TUBGCP5: variants seen among roughly 807,000 people sequenced by gnomAD.
The protein encoded by TUBGCP5 is gamma-tubulin complex component 5.
In TUBGCP5, 98 loss-of-function variants were observed where a neutral mutation model predicts 134.7. The ratio of observed to expected loss-of-function variants is 0.73; its 90% CI spans 0.62 to 0.86. The LOEUF (loss-of-function observed/expected upper bound fraction) is 0.86. TUBGCP5 is among the 40% of genes least tolerant of loss of function. The pLI is 0.00. For synonymous variants in TUBGCP5, 456 were observed against 431.4 expected, an observed-to-expected ratio of 1.06 and a Z score of -0.71; for missense variants, 1,150 against 1,244.8, an observed-to-expected ratio of 0.92 and a Z score of 1.15.
chr15:22,990,691 T>C (rs1029626231), intron 23 of TUBGCP5, among the ~76,000 whole-genome samples: 10 of 152,212 alleles, frequency 6.6e-5, no homozygotes, highest in African/African-American at 2.2e-4. Context: ...TGCTTTGTTA[T>C]AGCAGCCTTA....
At chr15:23,005,956 T>TTC in intron 18 of TUBGCP5, 96 bp downstream of exon 18, 11 of 1,330,382 alleles carry the variant, frequency 8.3e-6, no homozygotes, top group East Asian at 2.5e-5. Context: ...TTTTTTTTTT[T>TTC]CCAGATCCCC....
At chr15:22,998,374 T>TG (rs139246723), downstream of TUBGCP5, among the ~76,000 whole-genome samples, 6,983 of 152,280 alleles carry the variant, frequency 0.046, 425 homozygotes, top group African/African-American at 0.14. Context: ...TAAGTGAAGT[T>TG]GGCCTTTTAC....
chr15:22,995,388 C>T (rs372128547), downstream of TUBGCP5, among the ~76,000 whole-genome samples: 47 of 151,912 alleles, frequency 3.1e-4, no homozygotes, highest in East Asian at 5.8e-3. Context: ...TACTGGTGTC[C>T]GGCTCCACCT....
chr15:23,017,805 G>A lies in TUBGCP5; in HGVS notation c.1724C>T (p.Ala575Val), dbSNP rs753683572. The A allele has an allele frequency of 1.2e-5, 20 of 1,613,710 alleles. No homozygotes were observed. The highest frequency in any genetic ancestry group is 4.4e-5 in the South Asian group (4 of 91,056). ...SMQLLKNLQC[A>V]ESTTCQAGAR... ...TCCTGCCTGGCAGGTGGTGCTCTCC[G>A]CACACTGCAGGTTCTTCAGCAGCTG... The change falls in exon 13 of 23, where the codon GCG becomes GTG. Residue 575 changes from alanine (A) to valine (V), a missense_variant. Physicochemically the swap from Ala to Val is moderately conservative, Grantham distance 64. Coordinates refer to ENST00000615383, the MANE Select transcript of TUBGCP5 (RefSeq NM_052903.6).
intron 4 of TUBGCP5, among the ~76,000 whole-genome samples, chr15:23,032,387 C>T (rs777099498): frequency 6.6e-6 from 1 of 152,098 alleles, no homozygotes; most frequent in African/African-American, 2.4e-5. Context: ...CTGCTGTATA[C>T]TTTAAATAAT....
At position 23,013,894 on chromosome 15, in the gene TUBGCP5, T is replaced by C. The variant is rs2065177497; in HGVS notation, c.1757-2563A>G. On this transcript the variant is annotated intron_variant, in intron 13 of 22. Coordinates refer to ENST00000615383, the MANE Select transcript of TUBGCP5 (RefSeq NM_052903.6). This position sits in a 1 kb window ranked among gnomAD's most constrained non-coding sequence, Gnocchi z 4.5. The stretch of plus-strand genomic sequence containing the variant: ...TGCACCTCTCCTGCACCCCAGCCAC[T>C]GGGGCTCCATCCTCATTCCACCAAG... 6.6e-6 allele frequency among the ~76,000 whole-genome samples: 1 copy of C among 152,108 alleles called. No homozygotes were observed. Among genetic ancestry groups the C allele is most frequent in the Non-Finnish European group, 1.5e-5 (1 of 68,002 alleles).
rs1322967759 is a variant in TUBGCP5 at position 23,019,258 on chromosome 15, C to T, written c.1448G>A (p.Gly483Glu). The T allele has an allele frequency of 6.2e-7, 1 of 1,613,988 alleles. No homozygotes were observed. Among genetic ancestry groups the T allele is most frequent in the Non-Finnish European group, 8.5e-7 (1 of 1,179,978 alleles). ...CTCCCTGGCGCCATCCCACAGGTGC[C>T]CGTGCACGATCCACTCGTCCACCGT... is the stretch of plus-strand genomic sequence containing the variant. The part of the protein sequence containing the change: ...LQTVDEWIVH[G>E]HLWDGAREFI... The change falls in exon 12 of 23, where the codon GGG becomes GAG. Residue 483 changes from glycine to glutamate, a missense_variant. By Grantham distance (98) the Gly-to-Glu change is moderately conservative. Around this residue, in one of 2 missense-constraint regions of TUBGCP5, gnomAD observed 697 missense variants for 850.1 expected, o/e 0.82. Coordinates refer to ENST00000615383, the MANE Select transcript of TUBGCP5 (RefSeq NM_052903.6).
intron 10 of TUBGCP5, 191 bp downstream of exon 10, chr15:23,023,756 C>A: frequency 1.9e-6 from 1 of 517,268 alleles, no homozygotes; most frequent in Non-Finnish European, 3.2e-6. Flanking sequence ...CATTCTAAAT[C>A]TTCTGTAGTT....
chr15:23,004,268 T>C, intron 19 of TUBGCP5, 41 bp from the exon 20 acceptor site: 1 of 1,599,934 alleles, frequency 6.3e-7, no homozygotes, highest in Non-Finnish European at 8.5e-7. Flanking sequence ...GCAGCCTTCT[T>C]TGAGGACTTG....
Position 22,984,418 on chromosome 15 carries a change from G to A in TUBGCP5, c.*62-807C>T, listed in dbSNP as rs141828320. ...GCAGATCATCTGAGGTCAGGAGTTC[G>A]AGACCAGCCTGGCCAACGTGGCGAA... On this transcript the variant is annotated intron_variant and NMD_transcript_variant, in intron 23 of 23. Transcript: ENST00000614508. Among the ~76,000 whole-genome samples the A allele has an allele frequency of 1.4e-3, 212 of 152,156 alleles. 3 individuals carry two copies. Among genetic ancestry groups the A allele is most frequent in the African/African-American group, 5.0e-3 (208 of 41,510 alleles).
chr15:23,027,937 C>T (rs188744503), intron 6 of TUBGCP5, among the ~76,000 whole-genome samples: 4 of 151,990 alleles, frequency 2.6e-5, no homozygotes, highest in Non-Finnish European at 4.4e-5. Flanking sequence ...CCAACCACTA[C>T]GGAAGTCTCA....
chr15:23,004,751 T>C (rs879209658), intron 19 of TUBGCP5, among the ~76,000 whole-genome samples: 2 of 152,160 alleles, frequency 1.3e-5, no homozygotes, highest in African/African-American at 2.4e-5. Flanking sequence ...AAGGCAGTAA[T>C]GCAGTCAGGG....
intron 23 of TUBGCP5, among the ~76,000 whole-genome samples, chr15:22,986,891 C>T (rs2063696936): frequency 6.6e-6 from 1 of 152,072 alleles, no homozygotes; most frequent in Non-Finnish European, 1.5e-5. Flanking sequence ...CTGATATTGA[C>T]ACAAGCATAT....
chr15:22,990,716 TTACCTTA>T (rs1394628406), intron 23 of TUBGCP5, among the ~76,000 whole-genome samples: 19 of 152,154 alleles, frequency 1.2e-4, no homozygotes. Context: ...ACTAAGACAG[TTACCTTA>T]TGTGAAGAAA....
Position 23,008,749 on chromosome 15 carries a change from A to C in TUBGCP5, c.2277T>G (p.Asn759Lys), listed in dbSNP as rs181614580. The change falls in exon 16 of 23, where the codon AAT becomes AAG. Residue 759 changes from asparagine (N) to lysine (K), a missense_variant. Physicochemically the swap from Asn to Lys is moderately conservative, Grantham distance 94 (BLOSUM62 0). Coordinates refer to ENST00000615383, the MANE Select transcript of TUBGCP5 (RefSeq NM_052903.6). ...KETWQNVSFL[N>K]VQLQEAVGQR... ...GTCCTACTGCTTCTTGGAGTTGGAC[A>C]TTAAGAAAAGACACATTCTGCCATG... 2 of 1,607,890 alleles carry C rather than the reference A, an allele frequency of 1.2e-6. No homozygotes were observed. The highest frequency in any genetic ancestry group is 2.2e-5 in the South Asian group (2 of 89,110).
At position 23,024,092 on chromosome 15, in the gene TUBGCP5, G is replaced by C. The variant is rs377198414; in HGVS notation, c.1023C>G (p.Ser341Arg). The C allele has an allele frequency of 8.7e-6, 14 of 1,614,016 alleles. No homozygotes were observed. The highest frequency in any genetic ancestry group is 1.1e-5 in the Non-Finnish European group (13 of 1,180,028). Residue 341 changes from serine to arginine, a missense_variant, in exon 10 of 23, where the codon AGC (serine) becomes AGG (arginine). By Grantham distance (110) the Ser-to-Arg change is moderately radical (BLOSUM62 -1). Transcript: ENST00000615383. ...IDEVMGHSSE[S>R]MLPGSGSVPK... is the part of the protein sequence containing the mutation. Reference sequence around the variant, plus strand: ...GAACAGACCCACTTCCAGGCAGCATGCTCTCAGAACTGTGTCCCATGACTT... The same window carrying C: ...GAACAGACCCACTTCCAGGCAGCATCCTCTCAGAACTGTGTCCCATGACTT...
At chr15:23,024,527 A>G (rs1215256755) in intron 9 of TUBGCP5, among the ~76,000 whole-genome samples, 1 of 152,190 alleles carries the variant, frequency 6.6e-6, no homozygotes, top group Non-Finnish European at 1.5e-5. Context: ...TATGTTCCAA[A>G]CAATATTAAG....
At chr15:22,996,097 T>G (rs1048972792), downstream of TUBGCP5, among the ~76,000 whole-genome samples, 2 of 152,212 alleles carry the variant, frequency 1.3e-5, no homozygotes, top group African/African-American at 4.8e-5. Context: ...GTGGACGCAT[T>G]TAAAAATTCC....
intron 22 of TUBGCP5, chr15:23,000,355 T>C (rs2064299112): frequency 7.8e-7 from 1 of 1,288,494 alleles, no homozygotes; most frequent in Non-Finnish European, 9.8e-7. Context: ...TTGTAATAAA[T>C]GGTATACCAG....
Sources: allele counts gnomAD v4.1 joint callset (sites outside exome capture counted in the v4.1 genomes callset), GRCh38; gene constraint gnomAD v4.1.1; regional missense constraint gnomAD v4.1.1; non-coding constraint Gnocchi (gnomAD v3.1); transcripts MANE v1.5; gene names NCBI Gene and HGNC (gene_info 2026-07-23, HGNC 2026-07-21).